TLN2: variants seen among roughly 807,000 people sequenced by gnomAD.
TLN2 encodes the protein talin 2, also known as talin-2.
A neutral mutation model predicts 294.7 loss-of-function variants in TLN2; 118 were observed. The ratio of observed to expected loss-of-function variants is 0.40; its 90% CI spans 0.34 to 0.47. The LOEUF is 0.47. Among genes scored for constraint, TLN2 ranks in the 20% least tolerant of loss-of-function variants. The pLI is 0.84. For missense variants in TLN2, 3,083 were observed against 3,282.2 expected (o/e 0.94, Z 1.48); for synonymous variants, 1,431 against 1,304.5 (o/e 1.10, Z -2.09).
intron 1 of TLN2, among the ~76,000 whole-genome samples, chr15:62,462,199 G>A (rs1238614002): frequency 6.6e-6 from 1 of 152,174 alleles, no homozygotes; most frequent in Non-Finnish European, 1.5e-5. Context: ...GCGGCACTGC[G>A]CTGCAGCCTG....
intron 1 of TLN2, among the ~76,000 whole-genome samples, chr15:62,576,149 G>A (rs2044373185): frequency 6.6e-6 from 1 of 152,000 alleles, no homozygotes; most frequent in Non-Finnish European, 1.5e-5. Flanking sequence ...GCATATTCAA[G>A]GAAGTATACA....
At chr15:62,823,196 T>C (rs943994982) in intron 54 of TLN2, among the ~76,000 whole-genome samples, 3 of 152,230 alleles carry the variant, frequency 2.0e-5, no homozygotes, top group African/African-American at 7.2e-5. Context: ...TCTGAAGTCT[T>C]TCTCTGCCTG....
intron 1 of TLN2, among the ~76,000 whole-genome samples, chr15:62,570,859 G>A (rs546493491): frequency 2.6e-5 from 4 of 151,968 alleles, no homozygotes; most frequent in East Asian, 3.9e-4. Flanking sequence ...GGTGGTAAGC[G>A]TACTACTGGT....
intron 2 of TLN2, among the ~76,000 whole-genome samples, chr15:62,608,720 A>T (rs986517191): frequency 1.3e-5 from 2 of 151,958 alleles, no homozygotes; most frequent in Non-Finnish European, 2.9e-5. Context: ...CTTGTGAAAG[A>T]CCTTAGGGAG....
At chr15:62,580,755 G>A (rs2044895582) in intron 1 of TLN2, among the ~76,000 whole-genome samples, 3 of 152,002 alleles carry the variant, frequency 2.0e-5, no homozygotes, top group Admixed American at 2.0e-4. Flanking sequence ...TTGGAAAAAT[G>A]TAGAATGATA....
At chr15:62,825,798 A>AT (rs2068052369) in intron 54 of TLN2, among the ~76,000 whole-genome samples, 1 of 4,446 alleles carries the variant, frequency 2.2e-4, no homozygotes, top group Admixed American at 6.2e-3. Context: ...ATTATAATAT[A>AT]TATTATATAT....
At chr15:62,785,907 G>C (rs1325935849) in intron 45 of TLN2, among the ~76,000 whole-genome samples, 2 of 152,178 alleles carry the variant, frequency 1.3e-5, no homozygotes, top group Non-Finnish European at 2.9e-5. Flanking sequence ...AGCAAGGAAA[G>C]AGAATGTGTT....
In TLN2 at chr15:62,443,994, A is replaced by G. The variant is rs1295541024; in HGVS notation, c.-238+53309A>G. On this transcript the variant is annotated intron_variant, in intron 1 of 58. Coordinates refer to ENST00000636159, the MANE Select transcript of TLN2 (RefSeq NM_015059.3). ...CAGAGCAAGACCCTGTCTCAAAACAAATAAAGGGGAGAATCTGTTTTCTAG... is the reference window on the plus strand; with the variant it reads ...CAGAGCAAGACCCTGTCTCAAAACAGATAAAGGGGAGAATCTGTTTTCTAG... Among the ~76,000 whole-genome samples the G allele has an allele frequency of 2.0e-5, 3 of 152,246 alleles. No homozygotes were observed. The East Asian group carries it at 5.8e-4, about 29-fold the overall frequency.
At chr15:62,513,508 T>C (rs2040034407) in intron 1 of TLN2, among the ~76,000 whole-genome samples, 1 of 152,244 alleles carries the variant, frequency 6.6e-6, no homozygotes, top group African/African-American at 2.4e-5. Context: ...AAATGTCTTA[T>C]AGCCTGGGGT....
intron 3 of TLN2, among the ~76,000 whole-genome samples, chr15:62,645,621 A>T (rs1189332112): frequency 6.6e-6 from 1 of 152,140 alleles, no homozygotes; most frequent in African/African-American, 2.4e-5. Context: ...GAGACCCTGG[A>T]GGCACTCGCT....
intron 1 of TLN2, among the ~76,000 whole-genome samples, chr15:62,407,388 A>G (rs1374494897): frequency 6.6e-6 from 1 of 152,184 alleles, no homozygotes; most frequent in African/African-American, 2.4e-5. Context: ...TCTCCTAGGC[A>G]ACTCATTAAA....
intron 25 of TLN2, among the ~76,000 whole-genome samples, chr15:62,720,646 C>G (rs934817215): frequency 3.5e-5 from 3 of 85,288 alleles, no homozygotes; most frequent in Admixed American, 1.7e-4. Flanking sequence ...ATATACAACA[C>G]AGGTGTGTGT....
intron 54 of TLN2, among the ~76,000 whole-genome samples, chr15:62,824,522 C>T (rs2067862858): frequency 1.3e-5 from 2 of 152,202 alleles, no homozygotes; most frequent in Non-Finnish European, 2.9e-5. Context: ...AAAGCAAATC[C>T]TCCATACCAG....
rs10650730 is a variant in TLN2, at chr15:62,533,253, C to CAAAAA, written c.-237-56414_-237-56410dup. On this transcript the variant is annotated intron_variant, in intron 1 of 58. Coordinates refer to ENST00000636159, the MANE Select transcript of TLN2 (RefSeq NM_015059.3). ...TCGGTGACAGAGTGAGACTCTGTCTCAAAAAAAAAAAAAAAAAAAAAAAAG... is the reference window on the plus strand; with the variant it reads ...TCGGTGACAGAGTGAGACTCTGTCTCAAAAAAAAAAAAAAAAAAAAAAAAAAAAAG... Among the ~76,000 whole-genome samples the CAAAAA allele has an allele frequency of 2.0e-3, 103 of 51,310 alleles. 2 individuals are homozygous for CAAAAA. The highest frequency in any genetic ancestry group is 4.1e-3 in the South Asian group (5 of 1,214). 33.7% of individuals were successfully genotyped at this position (51,310 alleles called of 152,430 possible). A position where few individuals can be genotyped will look rare whatever the true frequency, so the allele number is the denominator to read the frequency against.
chr15:62,706,882 T>C (rs2059107982), intron 19 of TLN2, among the ~76,000 whole-genome samples: 1 of 152,226 alleles, frequency 6.6e-6, no homozygotes, highest in Non-Finnish European at 1.5e-5. Context: ...TGCTACTTAA[T>C]GGATGTAAGA....
At chr15:62,433,956 T>TAAAA (rs2035156198) in intron 1 of TLN2, among the ~76,000 whole-genome samples, 1 of 152,134 alleles carries the variant, frequency 6.6e-6, no homozygotes, top group Admixed American at 6.5e-5. Flanking sequence ...GCCACTGCAC[T>TAAAA]CCAGCCTGGG....
At chr15:62,728,555 T>C (rs1167290903) in intron 28 of TLN2, among the ~76,000 whole-genome samples, 2 of 152,214 alleles carry the variant, frequency 1.3e-5, no homozygotes, top group African/African-American at 4.8e-5. Context: ...TTCTCTATCC[T>C]TGTCACCACT....
chr15:62,444,221 C>G (rs959058344), intron 1 of TLN2, among the ~76,000 whole-genome samples: 2 of 152,200 alleles, frequency 1.3e-5, no homozygotes, highest in Non-Finnish European at 2.9e-5. Flanking sequence ...CTGGATGCTG[C>G]TTAGAGGGCA....
chr15:62,526,171 C>T (rs994249136), intron 1 of TLN2, among the ~76,000 whole-genome samples: 2 of 151,998 alleles, frequency 1.3e-5, no homozygotes, highest in South Asian at 2.1e-4. Flanking sequence ...TCTCTGTCAC[C>T]CAGGCTGGAG....
Sources: allele counts gnomAD v4.1 joint callset (sites outside exome capture counted in the v4.1 genomes callset), GRCh38; gene constraint gnomAD v4.1.1; transcripts MANE v1.5; gene names NCBI Gene and HGNC (gene_info 2026-07-23, HGNC 2026-07-21).